Variants in FAM222A observed in about 807,000 individuals in gnomAD.
The protein encoded by FAM222A is family with sequence similarity 222 member A.
Under a neutral mutation model 25.8 loss-of-function variants are expected in FAM222A, and 7 were observed. That is an observed-to-expected ratio of 0.27 (90% confidence interval 0.15 to 0.51). The LOEUF is 0.51. FAM222A is among the 20% of genes least tolerant of loss of function. The pLI is 0.97. For synonymous variants in FAM222A, 294 were observed against 298.8 expected (o/e 0.98, Z 0.17); for missense variants, 573 against 640.5 (o/e 0.89, Z 1.14).
intron 1 of FAM222A, among the ~76,000 whole-genome samples, chr12:109,732,446 A>ACCTGCCCGGCCG (rs1466699803): frequency 6.6e-6 from 1 of 152,214 alleles, no homozygotes; most frequent in Non-Finnish European, 1.5e-5. Flanking sequence ...CCTGGACGCC[A>ACCTGCCCGGCCG]CCTGCCCGGC....
intron 2 of FAM222A, 92 bp downstream of exon 2, chr12:109,744,320 C>G (rs551775593): frequency 6.7e-7 from 1 of 1,489,188 alleles, no homozygotes; most frequent in South Asian, 1.3e-5. Flanking sequence ...ATGGCCCTGT[C>G]GGAAAGTCTC....
intron 2 of FAM222A, among the ~76,000 whole-genome samples, chr12:109,751,174 CTTTT>C (rs1220921333): frequency 1.3e-5 from 2 of 151,374 alleles, no homozygotes; most frequent in Non-Finnish European, 2.9e-5. Flanking sequence ...TTCTGCACCT[CTTTT>C]TTTTTCTCCT....
intron 1 of FAM222A, among the ~76,000 whole-genome samples, chr12:109,720,661 C>T (rs1041201557): frequency 4.6e-5 from 7 of 152,266 alleles, no homozygotes; most frequent in Admixed American, 1.3e-4. Flanking sequence ...TCCGTTCATT[C>T]AGAGAGCTTC....
At chr12:109,742,386 C>T (rs1888267880) in intron 1 of FAM222A, among the ~76,000 whole-genome samples, 1 of 152,250 alleles carries the variant, frequency 6.6e-6, no homozygotes, top group African/African-American at 2.4e-5. Context: ...TGCCTTCCTG[C>T]AGTCAAGGAC....
At chr12:109,749,594 G>A (rs1010592996) in intron 2 of FAM222A, among the ~76,000 whole-genome samples, 1 of 152,098 alleles carries the variant, frequency 6.6e-6, no homozygotes, top group Non-Finnish European at 1.5e-5. Context: ...TCAGTTTGGT[G>A]TATACCAATT....
chr12:109,769,479 C>A lies in FAM222A; in HGVS notation c.*191C>A. 1 of 664,416 alleles carries A rather than the reference C, an allele frequency of 1.5e-6. No individual in the cohort carries two copies. The highest frequency in any genetic ancestry group is 2.5e-6 in the Non-Finnish European group (1 of 397,310). The allele number at this position is 664,416 out of a possible 1,614,324, so 41.2% of individuals were successfully genotyped here. Reference sequence around the variant, plus strand: ...GGCAGGGCAACCTCACATACCAAGGCCCCTCCCCACCATCGGTTGCCCCAG... The same window carrying A: ...GGCAGGGCAACCTCACATACCAAGGACCCTCCCCACCATCGGTTGCCCCAG... On this transcript the variant is annotated 3_prime_UTR_variant, in exon 3 of 3. Coordinates refer to ENST00000538780, the MANE Select transcript of FAM222A (RefSeq NM_032829.3).
intron 1 of FAM222A, among the ~76,000 whole-genome samples, chr12:109,732,459 C>T (rs1887967839): frequency 6.6e-6 from 1 of 152,240 alleles, no homozygotes; most frequent in Admixed American, 6.5e-5. Flanking sequence ...TGCCCGGCCG[C>T]CTGCCCAGCA....
At chr12:109,731,572 GCCACCCCCTGC>G (rs771316789) in intron 1 of FAM222A, among the ~76,000 whole-genome samples, 1 of 152,170 alleles carries the variant, frequency 6.6e-6, no homozygotes, top group Non-Finnish European at 1.5e-5. Context: ...GCTCGATGAA[GCCACCCCCTGC>G]CCAGACCTCC....
intron 1 of FAM222A, among the ~76,000 whole-genome samples, chr12:109,722,069 A>G (rs887024528): frequency 1.3e-5 from 2 of 151,980 alleles, no homozygotes; most frequent in African/African-American, 4.8e-5. Context: ...CCTCCCAGAA[A>G]AGATGTCATT....
At chr12:109,721,806 A>G (rs1350748704) in intron 1 of FAM222A, among the ~76,000 whole-genome samples, 2 of 152,176 alleles carry the variant, frequency 1.3e-5, no homozygotes, top group African/African-American at 4.8e-5. Context: ...AACAGCATGT[A>G]TTTAGTTCTT....
chr12:109,723,368 T>A (rs1887783957), intron 1 of FAM222A, among the ~76,000 whole-genome samples: 1 of 152,220 alleles, frequency 6.6e-6, no homozygotes, highest in Non-Finnish European at 1.5e-5. Context: ...GCAGCCCTTC[T>A]TGGCACCACT....
At chr12:109,720,195 G>A (rs771408225) in intron 1 of FAM222A, 344 of 985,138 alleles carry the variant, frequency 3.5e-4, no homozygotes, top group Non-Finnish European at 3.8e-4. Flanking sequence ...TGGGGCCCTG[G>A]GGGCCCCTGC....
chr12:109,730,818 A>G (rs529871540), intron 1 of FAM222A, among the ~76,000 whole-genome samples: 1 of 152,202 alleles, frequency 6.6e-6, no homozygotes, highest in African/African-American at 2.4e-5. Flanking sequence ...GCTGGAAGGA[A>G]TTGAGGTTTA....
chr12:109,733,090 G>A (rs1887986357), intron 1 of FAM222A, among the ~76,000 whole-genome samples: 1 of 152,190 alleles, frequency 6.6e-6, no homozygotes, highest in South Asian at 2.1e-4. Flanking sequence ...AGGTGTGAAT[G>A]GGGAAATGGA....
intron 2 of FAM222A, among the ~76,000 whole-genome samples, chr12:109,758,286 A>C (rs1176759571): frequency 1.3e-5 from 2 of 152,158 alleles, no homozygotes; most frequent in Non-Finnish European, 2.9e-5. Flanking sequence ...GCTACCCTCC[A>C]CTGCCAGTTC....
At chr12:109,734,740 G>GTT (rs1203629879) in intron 1 of FAM222A, 1 of 152,210 alleles carries the variant, frequency 6.6e-6, no homozygotes, top group African/African-American at 2.4e-5. Flanking sequence ...GGGGGAGGGG[G>GTT]TTGAACCCAG....
chr12:109,733,958 A>G (rs1027600400), intron 1 of FAM222A, among the ~76,000 whole-genome samples: 7 of 152,166 alleles, frequency 4.6e-5, no homozygotes, highest in Non-Finnish European at 1.0e-4. Flanking sequence ...CATACCTATA[A>G]TTCCAGCACT....
chr12:109,759,737 T>C (rs1191323098), intron 2 of FAM222A, among the ~76,000 whole-genome samples: 3 of 152,168 alleles, frequency 2.0e-5, no homozygotes, highest in Non-Finnish European at 4.4e-5. Context: ...TTCTGCACGT[T>C]TGAGCCCAGA....
intron 1 of FAM222A, among the ~76,000 whole-genome samples, chr12:109,725,735 A>G (rs35664579): frequency 0.11 from 16,261 of 151,756 alleles, 1,791 homozygotes; most frequent in East Asian, 0.43. Context: ...GTCAGGCGCC[A>G]AGTTGTGCTT....
Sources: gnomAD v4.1 joint callset for allele counts (sites outside exome capture counted in the v4.1 genomes callset) on GRCh38, gnomAD v4.1.1 for gene constraint, MANE v1.5 for transcripts, NCBI Gene and HGNC (gene_info 2026-07-23, HGNC 2026-07-21) for gene names.